Variants in ADGRF4 observed in about 807,000 individuals in gnomAD.
ADGRF4 encodes G-protein coupled receptor PGR18.
ADGRF4 carries 63 observed loss-of-function variants against 58.5 expected under a neutral mutation model. The observed-to-expected ratio is 1.08, with a 90% CI of 0.88 to 1.33. ADGRF4 has a LOEUF of 1.33. Ranked by LOEUF, ADGRF4 falls within the 40% of genes most tolerant of loss-of-function variation. The pLI, the probability that ADGRF4 is intolerant of heterozygous loss-of-function variation, is 0.00. For missense variants in ADGRF4, 931 were observed against 843.9 expected (o/e 1.10, Z -1.28); for synonymous variants, 313 against 295.4 (o/e 1.06, Z -0.61).
intron 6 of ADGRF4, chr6:47,715,403 C>T (rs1310046588): frequency 6.5e-6 from 3 of 460,384 alleles, no homozygotes; most frequent in Non-Finnish European, 7.7e-6. Context: ...GCACCTGTAT[C>T]CCTACTAAAG....
chr6:47,719,817 A>G (rs1327717741), intron 9 of ADGRF4, among the ~76,000 whole-genome samples: 1 of 152,242 alleles, frequency 6.6e-6, no homozygotes, highest in Non-Finnish European at 1.5e-5. Flanking sequence ...TTGGGGATGT[A>G]CAAAGGAGTC....
At chr6:47,707,374 A>G (rs1429835896) in intron 2 of ADGRF4, 36 bp downstream of exon 2, 2 of 1,255,290 alleles carry the variant, frequency 1.6e-6, no homozygotes, top group Non-Finnish European at 2.3e-6. Flanking sequence ...TCCGAGGAGA[A>G]ATCTCTCAGT....
chr6:47,705,683 A>T (rs1256272704), intron 1 of ADGRF4, among the ~76,000 whole-genome samples: 1 of 151,786 alleles, frequency 6.6e-6, no homozygotes, highest in Non-Finnish European at 1.5e-5. Flanking sequence ...CTTATGCTTG[A>T]CTCTACCCAG....
At position 47,717,164 on chromosome 6, in the gene ADGRF4, C is replaced by A. The variant is rs964620025; in HGVS notation, c.1975-128C>A. On this transcript the variant is annotated intron_variant, in intron 7 of 9. Coordinates refer to ENST00000283303, the MANE Select transcript of ADGRF4 (RefSeq NM_153838.5). Reference sequence around the variant, plus strand: ...GCTTTTATCCAAATCTTGTTACTTGCCAGTCACTATGCTAAGTCCTCTGAT... The same window carrying A: ...GCTTTTATCCAAATCTTGTTACTTGACAGTCACTATGCTAAGTCCTCTGAT... 6 of 741,408 alleles carry A rather than the reference C, an allele frequency of 8.1e-6. No homozygotes were observed. The African/African-American group carries it at 8.6e-5, about 11-fold the overall frequency. The allele number at this position is 741,408 out of a possible 1,614,324, so 45.9% of individuals were successfully genotyped here. A position where few individuals can be genotyped will look rare whatever the true frequency, so the allele number is the denominator to read the frequency against.
In ADGRF4 at chr6:47,710,783, G is replaced by A; in HGVS notation, c.197G>A (p.Cys66Tyr). The A allele has an allele frequency of 6.2e-7, 1 of 1,613,348 alleles. No homozygotes were observed. The highest frequency in any genetic ancestry group is 8.5e-7 in the Non-Finnish European group (1 of 1,179,626). Residue 66 changes from cysteine (C) to tyrosine (Y), a missense_variant, in exon 4 of 10, where the codon TGT (cysteine) becomes TAT (tyrosine). By Grantham distance (194) the Cys-to-Tyr change is radical (BLOSUM62 -2). Coordinates refer to ENST00000283303, the MANE Select transcript of ADGRF4 (RefSeq NM_153838.5). ...CISSSNCSQP[C>Y]AKDFHGEIGF... Reference sequence around the variant, plus strand: ...TCTTCTTCCAACTGCAGCCAGCCCTGTGCTAAGGACTTTCATGGAGAAATA... The same window carrying A: ...TCTTCTTCCAACTGCAGCCAGCCCTATGCTAAGGACTTTCATGGAGAAATA...
chr6:47,716,904 G>A, intron 7 of ADGRF4, 57 bp downstream of exon 7: 1 of 1,246,218 alleles, frequency 8.0e-7, no homozygotes. Context: ...GGGGAAGCAG[G>A]AGGATGAAGC....
intron 3 of ADGRF4, among the ~76,000 whole-genome samples, chr6:47,708,520 C>T (rs1345000850): frequency 6.6e-6 from 1 of 152,198 alleles, no homozygotes; most frequent in African/African-American, 2.4e-5. Flanking sequence ...CAAATACATA[C>T]TTCCAAATCC....
chr6:47,710,547 C>T (rs1771835803), intron 3 of ADGRF4, among the ~76,000 whole-genome samples, 188 bp from the exon 4 acceptor site: 1 of 152,130 alleles, frequency 6.6e-6, no homozygotes, highest in African/African-American at 2.4e-5. Flanking sequence ...GTGCTGTTTA[C>T]TCTGCCTGGA....
chr6:47,718,282 G>C, intron 8 of ADGRF4, 107 bp from the exon 9 acceptor site: 1 of 750,760 alleles, frequency 1.3e-6, no homozygotes, highest in East Asian at 2.5e-5. Context: ...ATCAGTGTGG[G>C]TACTCCTTTT....
Position 47,714,927 on chromosome 6 carries a change from C to T in ADGRF4, c.1682C>T (p.Ala561Val), listed in dbSNP as rs148418571. ...LNWDNTKALL[A>V]FAIPAFVIVA... Reference sequence around the variant, plus strand: ...TGGGACAATACCAAAGCCCTTTTAGCATTTGCCATCCCGGCGTTCGTCATT... The same window carrying T: ...TGGGACAATACCAAAGCCCTTTTAGTATTTGCCATCCCGGCGTTCGTCATT... Residue 561 changes from alanine (A) to valine (V), a missense_variant, in exon 6 of 10, where the codon GCA becomes GTA. Transcript: ENST00000283303. 1 of 1,613,550 alleles carries T rather than the reference C, an allele frequency of 6.2e-7. No homozygotes were observed. The highest frequency in any genetic ancestry group is 8.5e-7 in the Non-Finnish European group (1 of 1,179,606).
At chr6:47,716,992 A>T (rs1581699330) in intron 7 of ADGRF4, 145 bp downstream of exon 7, 1 of 656,674 alleles carries the variant, frequency 1.5e-6, no homozygotes, top group Non-Finnish European at 2.7e-6. Context: ...AAAAGAAAAA[A>T]AAAACACACC....
chr6:47,720,401 C>T (rs1185128798), intron 9 of ADGRF4, among the ~76,000 whole-genome samples: 2 of 152,042 alleles, frequency 1.3e-5, no homozygotes, highest in Non-Finnish European at 2.9e-5. Flanking sequence ...GGAAATGGGT[C>T]GAGAGGTCAG....
chr6:47,713,541 C>T (rs1771921284), intron 5 of ADGRF4, among the ~76,000 whole-genome samples: 1 of 152,158 alleles, frequency 6.6e-6, no homozygotes, highest in Non-Finnish European at 1.5e-5. Context: ...GGGTTCTACA[C>T]ACTGCAGTCT....
At chr6:47,701,221 G>C (rs1433074427) in intron 1 of ADGRF4, among the ~76,000 whole-genome samples, 1 of 152,046 alleles carries the variant, frequency 6.6e-6, no homozygotes, top group Non-Finnish European at 1.5e-5. Flanking sequence ...GACCATGTTA[G>C]AGCAGGGAGC....
Position 47,714,196 on chromosome 6 carries a change from T to C in ADGRF4, c.951T>C (p.Asn317=), listed in dbSNP as rs755774791. 3 of 1,613,942 alleles carry C rather than the reference T, an allele frequency of 1.9e-6. No homozygotes were observed. The highest frequency in any genetic ancestry group is 2.5e-6 in the Non-Finnish European group (3 of 1,180,008). The change falls in exon 6 of 10, where the codon AAT becomes AAC. Residue 317 remains asparagine (N), a synonymous_variant. Coordinates refer to ENST00000283303, the MANE Select transcript of ADGRF4 (RefSeq NM_153838.5). ...ATGTGAGTCTTCCCAGACAGGTAAA[T>C]GGTCTGGTGCTATCAGTGGTTTTAC... is the stretch of plus-strand genomic sequence containing the variant. The part of the protein sequence containing the change: ...LQNVSLPRQV[N]GLVLSVVLPE...
rs1410435181 is a variant in ADGRF4 at position 47,721,616 on chromosome 6, C to T, written c.*411C>T. The T allele has an allele frequency of 9.9e-5, 15 of 152,056 alleles. No individual in the cohort carries two copies. The highest frequency in any genetic ancestry group is 9.8e-4 in the Admixed American group (15 of 15,250). 9.4% of individuals were successfully genotyped at this position (152,056 alleles called of 1,614,324 possible). On this transcript the variant is annotated 3_prime_UTR_variant, in exon 10 of 10. Coordinates refer to ENST00000283303, the MANE Select transcript of ADGRF4 (RefSeq NM_153838.5). The stretch of plus-strand genomic sequence containing the variant: ...AGTCCTCCATCACTCTGCGTGGATC[C>T]TGGGTACTTTGGACAGTGAGGGTTC...
In ADGRF4 at chr6:47,721,996, C is replaced by T. The variant is rs559581168; in HGVS notation, c.*791C>T. On this transcript the variant is annotated 3_prime_UTR_variant, in exon 10 of 10. Transcript: ENST00000283303. ...TTCTGGTTGTTATTTTAGACATAAA[C>T]GAATATATGTACCTTTCACAACTTG... The T allele has an allele frequency of 1.9e-4, 29 of 152,210 alleles. No individual in the cohort carries two copies. The highest frequency in any genetic ancestry group is 1.9e-3 in the South Asian group (9 of 4,828). 9.4% of individuals were successfully genotyped at this position (152,210 alleles called of 1,614,324 possible). A position where few individuals can be genotyped will look rare whatever the true frequency, so the allele number is the denominator to read the frequency against.
At chr6:47,700,202 C>A (rs976818608) in intron 1 of ADGRF4, among the ~76,000 whole-genome samples, 1 of 151,836 alleles carries the variant, frequency 6.6e-6, no homozygotes, top group Non-Finnish European at 1.5e-5. Context: ...AACAGGTTTG[C>A]GAGATCACAC....
chr6:47,701,181 A>C (rs1771580606), intron 1 of ADGRF4, among the ~76,000 whole-genome samples: 1 of 152,212 alleles, frequency 6.6e-6, no homozygotes, highest in Non-Finnish European at 1.5e-5. Flanking sequence ...CTTTGTAATG[A>C]CCAGCAAATG....
Sources: gnomAD v4.1 joint callset for allele counts (sites outside exome capture counted in the v4.1 genomes callset) on GRCh38, gnomAD v4.1.1 for gene constraint, MANE v1.5 for transcripts, NCBI Gene and HGNC (gene_info 2026-07-23, HGNC 2026-07-21) for gene names.